SMCR8: variants seen among roughly 807,000 people sequenced by gnomAD.
The protein encoded by SMCR8 is guanine nucleotide exchange protein SMCR8.
A neutral mutation model predicts 56.6 loss-of-function variants in SMCR8; 30 were observed. That is an observed-to-expected ratio of 0.53 (90% CI 0.40 to 0.72). The LOEUF (loss-of-function observed/expected upper bound fraction) is 0.72, where lower values mean the gene tolerates loss of function less well. Among genes scored for constraint, SMCR8 ranks in the 30% least tolerant of loss-of-function variants. The probability of loss-of-function intolerance (pLI) is 0.00; values close to 1 mark genes in which losing one functional copy is unlikely to be tolerated. For missense variants in SMCR8, 1,198 were observed against 1,157.0 expected (o/e 1.04, Z -0.51); for synonymous variants, 538 against 456.0 (o/e 1.18, Z -2.29).
Position 18,317,578 on chromosome 17 carries a change from C to G in SMCR8, c.1789C>G (p.Leu597Val), listed in dbSNP as rs2142993598. Residue 597 changes from leucine to valine, a missense_variant, in exon 1 of 2, where the codon CTG becomes GTG. Leu to Val is a conservative substitution (Grantham distance 32, BLOSUM62 1). Transcript: ENST00000406438. ...IGKESDGQLV[L>V]PSTPAHTHSD... ...GAAGGAGAGCGATGGTCAGTTGGTGCTGCCCTCCACTCCAGCCCACACACA... is the reference window on the plus strand; with the variant it reads ...GAAGGAGAGCGATGGTCAGTTGGTGGTGCCCTCCACTCCAGCCCACACACA... The G allele has an allele frequency of 6.2e-7, 1 of 1,614,166 alleles. No homozygotes were observed. Among genetic ancestry groups the G allele is most frequent in the African/African-American group, 1.3e-5 (1 of 75,044 alleles).
In SMCR8 at chr17:18,323,336, T is replaced by G; in HGVS notation, c.*266T>G. 2.2e-6 allele frequency: 1 copy of G among 445,682 alleles called. No homozygotes were observed. 27.6% of individuals were successfully genotyped at this position (445,682 alleles called of 1,614,324 possible). ...CCTGGATATGGAGGGGGCCTTGGTT[T>G]TCTGAGGACTGGCAGCCAGGGCAGA... On this transcript the variant is annotated 3_prime_UTR_variant, in exon 2 of 2. Transcript: ENST00000406438.
chr17:18,325,417 G>A lies in SMCR8; in HGVS notation c.*2347G>A, dbSNP rs1982622659. The A allele has an allele frequency of 6.6e-6, 1 of 152,258 alleles. No homozygotes were observed. Among genetic ancestry groups the A allele is most frequent in the South Asian group, 2.1e-4 (1 of 4,830 alleles). 9.4% of individuals were successfully genotyped at this position (152,258 alleles called of 1,614,324 possible). On this transcript the variant is annotated 3_prime_UTR_variant, in exon 2 of 2. Transcript: ENST00000406438. ...GGCATGAACAGAACAGACCGTCTCA[G>A]GGGCAGCCATGTAAGTGGCAAGCAG...
In SMCR8 at chr17:18,327,801, T is replaced by C. The variant is rs1165992003; in HGVS notation, c.*4731T>C. On this transcript the variant is annotated 3_prime_UTR_variant, in exon 2 of 2. Coordinates refer to ENST00000406438, the MANE Select transcript of SMCR8 (RefSeq NM_144775.3). ...TGCAGGAGTGCAGCTGGCGCGTGTG[T>C]GATAGCATCTCGTAGGTGTTGCTGC... 3.3e-5 allele frequency: 5 copies of C among 152,616 alleles called. No individual in the cohort carries two copies. Among genetic ancestry groups the C allele is most frequent in the Non-Finnish European group, 7.3e-5 (5 of 68,038 alleles). The allele number at this position is 152,616 out of a possible 1,614,324, so 9.5% of individuals were successfully genotyped here. A position where few individuals can be genotyped will look rare whatever the true frequency, so the allele number is the denominator to read the frequency against.
chr17:18,315,961 A>T lies in SMCR8; in HGVS notation c.172A>T (p.Ile58Phe). Residue 58 changes from isoleucine (I) to phenylalanine (F), a missense_variant, in exon 1 of 2, where the codon ATT becomes TTT. Ile to Phe is a conservative substitution (Grantham distance 21). Transcript: ENST00000406438. Reference protein sequence around the residue: ...LSGAKFSRDFILISEFSEQVG... With the variant: ...LSGAKFSRDFFLISEFSEQVG... ...CGGGGCCAAGTTTTCGAGGGACTTCATTCTTATTTCCGAGTTCTCTGAGCA... is the reference window on the plus strand; with the variant it reads ...CGGGGCCAAGTTTTCGAGGGACTTCTTTCTTATTTCCGAGTTCTCTGAGCA... The T allele has an allele frequency of 6.2e-7, 1 of 1,614,124 alleles. No individual in the cohort carries two copies. The highest frequency in any genetic ancestry group is 8.5e-7 in the Non-Finnish European group (1 of 1,180,026).
In SMCR8 at chr17:18,317,737, T is replaced by A. The variant is rs759893701; in HGVS notation, c.1948T>A (p.Tyr650Asn). The A allele has an allele frequency of 4.3e-6, 7 of 1,613,972 alleles. No individual in the cohort carries two copies. The African/African-American group carries it at 8.0e-5, about 18-fold the overall frequency. The change falls in exon 1 of 2, where the codon TAT becomes AAT. Residue 650 changes from tyrosine to asparagine, a missense_variant. Transcript: ENST00000406438. ...CAACAGTTGTGAAGGGTTTCCCGCT[T>A]ATGAGCTGGACCCGAGCCACCTGCT... Reference protein sequence around the residue: ...RDNSCEGFPAYELDPSHLLAS... With the variant: ...RDNSCEGFPANELDPSHLLAS...
chr17:18,316,048 C>G lies in SMCR8; in HGVS notation c.259C>G (p.Leu87Val). The G allele has an allele frequency of 1.2e-6, 2 of 1,614,142 alleles. No homozygotes were observed. The highest frequency in any genetic ancestry group is 2.2e-5 in the South Asian group (2 of 91,086). ...CACCAAAGTTTTTGGCACTTTTGAT[C>G]TCAATTACTTCTCCCTGCGTATCAT... ...NDTKVFGTFD[L>V]NYFSLRIMSV... is the part of the protein sequence containing the mutation. Residue 87 changes from leucine to valine, a missense_variant, in exon 1 of 2, where the codon CTC becomes GTC. Coordinates refer to ENST00000406438, the MANE Select transcript of SMCR8 (RefSeq NM_144775.3).
intron 1 of SMCR8, among the ~76,000 whole-genome samples, chr17:18,321,217 G>A (rs1212486495): frequency 3.9e-5 from 6 of 152,188 alleles, no homozygotes; most frequent in Non-Finnish European, 5.9e-5. Context: ...CTAAATGTCT[G>A]GGCCCTACAG....
intron 1 of SMCR8, among the ~76,000 whole-genome samples, chr17:18,321,340 A>G (rs1982490696): frequency 6.6e-6 from 1 of 152,198 alleles, no homozygotes. Flanking sequence ...CATTGGGGGC[A>G]TGAGACCAGA....
intron 1 of SMCR8, among the ~76,000 whole-genome samples, chr17:18,319,332 T>A (rs528032549): frequency 2.0e-5 from 3 of 152,112 alleles, no homozygotes; most frequent in Non-Finnish European, 4.4e-5. Context: ...AGTGCAGTGC[T>A]TGGCCCTGAG....
Position 18,316,290 on chromosome 17 carries a change from G to C in SMCR8, c.501G>C (p.Gln167His), listed in dbSNP as rs769580850. 6.2e-7 allele frequency: 1 copy of C among 1,613,980 alleles called. No individual in the cohort carries two copies. The highest frequency in any genetic ancestry group is 8.5e-7 in the Non-Finnish European group (1 of 1,180,032). The change falls in exon 1 of 2, where the codon CAG (glutamine) becomes CAC (histidine). Residue 167 changes from glutamine to histidine, a missense_variant. Gln to His is a conservative substitution (Grantham distance 24). Transcript: ENST00000406438. Reference protein sequence around the residue: ...YISADQHKIMQQFQELSAEFS... With the variant: ...YISADQHKIMHQFQELSAEFS... ...CTGCAGACCAGCATAAAATCATGCAGCAGTTCCAGGAGCTTTCAGCCGAAT... is the reference window on the plus strand; with the variant it reads ...CTGCAGACCAGCATAAAATCATGCACCAGTTCCAGGAGCTTTCAGCCGAAT...
chr17:18,317,420 A>G lies in SMCR8; in HGVS notation c.1631A>G (p.Glu544Gly). 2 of 1,614,120 alleles carry G rather than the reference A, an allele frequency of 1.2e-6. No individual in the cohort carries two copies. Among genetic ancestry groups the G allele is most frequent in the Non-Finnish European group, 8.5e-7 (1 of 1,180,032 alleles). Residue 544 changes from glutamate (E) to glycine (G), a missense_variant, in exon 1 of 2, where the codon GAA (glutamate) becomes GGA (glycine). Glu to Gly is a moderately conservative substitution (Grantham distance 98). Transcript: ENST00000406438. ...AGCTACCCAAGTGCCATTAATGAAGAAGAATCATATCCAGATGGCAATGAA... is the reference window on the plus strand; with the variant it reads ...AGCTACCCAAGTGCCATTAATGAAGGAGAATCATATCCAGATGGCAATGAA... ...KASYPSAINEEESYPDGNEGA... is the reference protein window; with the variant it reads ...KASYPSAINEGESYPDGNEGA...
In SMCR8 at chr17:18,326,550, AC is replaced by A. The variant is rs543363077; in HGVS notation, c.*3482del. The A allele has an allele frequency of 1.2e-4, 18 of 152,356 alleles. No individual in the cohort carries two copies. Among genetic ancestry groups the A allele is most frequent in the African/African-American group, 4.3e-4 (18 of 41,580 alleles). 9.4% of individuals were successfully genotyped at this position (152,356 alleles called of 1,614,324 possible). ...ATTTGGAAATAGACCACAGTACCTT[AC>A]CTTTCATTCCCCATCTGGCCTTTAC... On this transcript the variant is annotated 3_prime_UTR_variant, in exon 2 of 2. Transcript: ENST00000406438.
intron 1 of SMCR8, among the ~76,000 whole-genome samples, chr17:18,318,485 T>C (rs7221807): frequency 0.5 from 75,665 of 151,996 alleles, 20,272 homozygotes; most frequent in African/African-American, 0.71. Context: ...CTCACTGCAA[T>C]CTCCGCCTCC....
At chr17:18,319,053 C>T (rs942499711) in intron 1 of SMCR8, among the ~76,000 whole-genome samples, 2 of 152,240 alleles carry the variant, frequency 1.3e-5, no homozygotes, top group Non-Finnish European at 2.9e-5. Flanking sequence ...GGATGGGCTA[C>T]AGCTCACCCA....
chr17:18,324,591 G>A lies in SMCR8; in HGVS notation c.*1521G>A, dbSNP rs1982597113. On this transcript the variant is annotated 3_prime_UTR_variant, in exon 2 of 2. Transcript: ENST00000406438. The stretch of plus-strand genomic sequence containing the variant: ...CATCGGCCTGTAGTACGCCATCGAG[G>A]TCATCATGGAGCCAGCCAGCTTCTC... 6.6e-6 allele frequency: 1 copy of A among 152,324 alleles called. No individual in the cohort carries two copies. The highest frequency in any genetic ancestry group is 2.1e-4 in the South Asian group (1 of 4,834). 9.4% of individuals were successfully genotyped at this position (152,324 alleles called of 1,614,324 possible). A position where few individuals can be genotyped will look rare whatever the true frequency, so the allele number is the denominator to read the frequency against.
intron 1 of SMCR8, 145 bp from the exon 2 acceptor site, chr17:18,322,472 A>G (rs1364852101): frequency 1.2e-5 from 8 of 693,472 alleles, no homozygotes; most frequent in Admixed American, 5.6e-5. Flanking sequence ...GAAGATTACA[A>G]TGATCAGATT....
rs770351008 is a variant in SMCR8, at chr17:18,317,377, C to T, written c.1588C>T (p.Pro530Ser). 6.2e-7 allele frequency: 1 copy of T among 1,613,968 alleles called. No homozygotes were observed. Among genetic ancestry groups the T allele is most frequent in the African/African-American group, 1.3e-5 (1 of 74,902 alleles). ...LSTCPSEALIPDDFKASYPSA... is the reference protein window; with the variant it reads ...LSTCPSEALISDDFKASYPSA... ...TACCTGCCCCTCTGAGGCCCTCATC[C>T]CTGATGACTTTAAGGCCAGCTACCC... Residue 530 changes from proline (P) to serine (S), a missense_variant, in exon 1 of 2, where the codon CCT (proline) becomes TCT (serine). By Grantham distance (74) the Pro-to-Ser change is moderately conservative. Transcript: ENST00000406438.
In SMCR8 at chr17:18,316,666, A is replaced by G; in HGVS notation, c.877A>G (p.Thr293Ala). 1 of 1,614,208 alleles carries G rather than the reference A, an allele frequency of 6.2e-7. No individual in the cohort carries two copies. The highest frequency in any genetic ancestry group is 8.5e-7 in the Non-Finnish European group (1 of 1,180,042). ...TTSNPDESAD[T>A]DLYTCRPAYT... Reference sequence around the variant, plus strand: ...CTCTAACCCTGATGAGTCTGCCGACACAGACCTTTACACCTGCAGACCAGC... The same window carrying G: ...CTCTAACCCTGATGAGTCTGCCGACGCAGACCTTTACACCTGCAGACCAGC... Residue 293 changes from threonine to alanine, a missense_variant, in exon 1 of 2, where the codon ACA (threonine) becomes GCA (alanine). Thr to Ala is a moderately conservative substitution (Grantham distance 58). Transcript: ENST00000406438.
In SMCR8 at chr17:18,316,195, G is replaced by A. The variant is rs969526584; in HGVS notation, c.406G>A (p.Val136Met). Reference sequence around the variant, plus strand: ...TTCTAAGGAGGGCGCCTTTGCATACGTGCACCACCTTACCCTATACGACCT... The same window carrying A: ...TTCTAAGGAGGGCGCCTTTGCATACATGCACCACCTTACCCTATACGACCT... ...GDSKEGAFAY[V>M]HHLTLYDLEA... The change falls in exon 1 of 2, where the codon GTG becomes ATG. Residue 136 changes from valine to methionine, a missense_variant. Val to Met is a conservative substitution (Grantham distance 21, BLOSUM62 1). Coordinates refer to ENST00000406438, the MANE Select transcript of SMCR8 (RefSeq NM_144775.3). The A allele has an allele frequency of 1.9e-6, 3 of 1,613,738 alleles. No individual in the cohort carries two copies. Among genetic ancestry groups the A allele is most frequent in the South Asian group, 1.1e-5 (1 of 91,082 alleles).
Sources: allele counts gnomAD v4.1 joint callset (sites outside exome capture counted in the v4.1 genomes callset), GRCh38; gene constraint gnomAD v4.1.1; transcripts MANE v1.5; gene names NCBI Gene and HGNC (gene_info 2026-07-23, HGNC 2026-07-21).